Variants in CDC16 observed in about 807,000 individuals in gnomAD.
The protein encoded by CDC16 is cell division cycle protein 16 homolog.
Under a neutral mutation model 87.0 loss-of-function variants are expected in CDC16, and 34 were observed. The observed-to-expected ratio is 0.39, with a 90% CI of 0.30 to 0.52. The LOEUF (loss-of-function observed/expected upper bound fraction) is 0.52, where lower values mean the gene tolerates loss of function less well. Ranked by LOEUF, CDC16 falls within the 20% of genes least tolerant of loss-of-function variation. The pLI is 0.74. For synonymous variants in CDC16, 263 were observed against 260.6 expected, an observed-to-expected ratio of 1.01 and a Z score of -0.09; for missense variants, 653 against 751.9, an observed-to-expected ratio of 0.87 and a Z score of 1.54.
chr13:114,253,546 C>T (rs945836105), intron 12 of CDC16, among the ~76,000 whole-genome samples: 8 of 151,822 alleles, frequency 5.3e-5, no homozygotes, highest in African/African-American at 1.9e-4. Context: ...AAAAATTAGC[C>T]GGGTGTGGTG....
intron 16 of CDC16, chr13:114,264,930 C>CT: frequency 4.4e-6 from 2 of 450,402 alleles, no homozygotes; most frequent in African/African-American, 2.0e-5. Flanking sequence ...TTTAAAAAAT[C>CT]TTTTTTGGGG....
At chr13:114,238,229 A>G (rs2081354576) in intron 3 of CDC16, among the ~76,000 whole-genome samples, 1 of 147,276 alleles carries the variant, frequency 6.8e-6, no homozygotes, top group Non-Finnish European at 1.5e-5. Context: ...AGCTGCTGCG[A>G]TCTCCTCGGA....
intron 17 of CDC16, among the ~76,000 whole-genome samples, chr13:114,267,902 A>T (rs1022838571): frequency 6.6e-6 from 1 of 152,228 alleles, no homozygotes; most frequent in African/African-American, 2.4e-5. Flanking sequence ...GTAACACCAG[A>T]GTGTGGCCCC....
At chr13:114,265,516 C>T (rs763373929) in intron 17 of CDC16, among the ~76,000 whole-genome samples, 66 of 152,306 alleles carry the variant, frequency 4.3e-4, no homozygotes, top group Non-Finnish European at 7.8e-4. Context: ...TAGAAGGACT[C>T]ATCTGTTTCT....
At chr13:114,238,321 G>T (rs775486569) in intron 3 of CDC16, among the ~76,000 whole-genome samples, 2,218 of 123,388 alleles carry the variant, frequency 0.018, 49 homozygotes, top group African/African-American at 0.054. Context: ...TCACACTCAG[G>T]GCCTGAAGTG....
intron 5 of CDC16, among the ~76,000 whole-genome samples, chr13:114,239,989 T>C (rs935378524): frequency 2.0e-5 from 3 of 150,784 alleles, no homozygotes; most frequent in Non-Finnish European, 4.4e-5. Flanking sequence ...TAAGTGACAT[T>C]TACAGATCAC....
Position 114,235,039 on chromosome 13 carries a change from G to A in CDC16, c.-46G>A. On this transcript the variant is annotated 5_prime_UTR_variant, in exon 1 of 18. Coordinates refer to ENST00000356221, the MANE Select transcript of CDC16 (RefSeq NM_001078645.3). Reference sequence around the variant, plus strand: ...GCGGGGTGCTTAGGGTGCAGGAGGCGCGCGCCTAGCGGCGGAGTGTGGCGT... The same window carrying A: ...GCGGGGTGCTTAGGGTGCAGGAGGCACGCGCCTAGCGGCGGAGTGTGGCGT... 2 of 1,244,472 alleles carry A rather than the reference G, an allele frequency of 1.6e-6. No individual in the cohort carries two copies. The highest frequency in any genetic ancestry group is 4.2e-5 in the Admixed American group (1 of 23,810). The allele number at this position is 1,244,472 out of a possible 1,614,324, so 77.1% of individuals were successfully genotyped here.
chr13:114,257,714 A>G (rs912110440), intron 13 of CDC16, among the ~76,000 whole-genome samples: 1 of 152,226 alleles, frequency 6.6e-6, no homozygotes, highest in African/African-American at 2.4e-5. Flanking sequence ...TCAAAGAGAA[A>G]AATGTATGTA....
At chr13:114,251,132 C>T (rs183972847) in intron 12 of CDC16, among the ~76,000 whole-genome samples, 57 of 152,202 alleles carry the variant, frequency 3.7e-4, no homozygotes, top group Admixed American at 5.9e-4. Flanking sequence ...TATTGCTGTT[C>T]ACATTGACTG....
At position 114,262,626 on chromosome 13, in the gene CDC16, C is replaced by T. The variant is rs184891965; in HGVS notation, c.1377-253C>T. On this transcript the variant is annotated intron_variant, in intron 15 of 17. Coordinates refer to ENST00000356221, the MANE Select transcript of CDC16 (RefSeq NM_001078645.3). The stretch of plus-strand genomic sequence containing the variant: ...TGGATTAGGTTCTGGTTGCAGTGTC[C>T]CACTGAACATCAAAAGGAATACAGC... Among the ~76,000 whole-genome samples the T allele has an allele frequency of 1.4e-4, 22 of 152,254 alleles. 1 individual carries two copies. The East Asian group carries it at 3.7e-3, about 25-fold the overall frequency.
chr13:114,240,084 T>G (rs953146361), intron 5 of CDC16, among the ~76,000 whole-genome samples: 4 of 152,206 alleles, frequency 2.6e-5, no homozygotes, highest in Non-Finnish European at 4.4e-5. Flanking sequence ...CTGTATGGTT[T>G]GATTCCTTTT....
In CDC16 at chr13:114,254,435, T is replaced by C. The variant is rs138634789; in HGVS notation, c.1098-2643T>C. On this transcript the variant is annotated intron_variant, in intron 12 of 17. Transcript: ENST00000356221. Reference sequence around the variant, plus strand: ...TTTAGGATTATAATTAGCACCTTAATTTAAAACGACCTACTTTGAATTAAT... The same window carrying C: ...TTTAGGATTATAATTAGCACCTTAACTTAAAACGACCTACTTTGAATTAAT... 9.8e-3 allele frequency among the ~76,000 whole-genome samples: 1,488 copies of C among 152,330 alleles called. 22 individuals are homozygous for C. The highest frequency in any genetic ancestry group is 0.034 in the African/African-American group (1,414 of 41,576).
chr13:114,269,593 C>CAG (rs1472450513), intron 17 of CDC16, among the ~76,000 whole-genome samples: 1 of 152,138 alleles, frequency 6.6e-6, no homozygotes, highest in African/African-American at 2.4e-5. Flanking sequence ...AAACGTCCAC[C>CAG]AGTAGGAGAG....
At chr13:114,236,516 C>G in intron 1 of CDC16, 129 bp from the exon 2 acceptor site, 1 of 803,998 alleles carries the variant, frequency 1.2e-6, no homozygotes, top group Non-Finnish European at 1.7e-6. Context: ...AAATTGTTGT[C>G]TTGAGATGAA....
chr13:114,250,815 T>C, intron 12 of CDC16, 141 bp downstream of exon 12: 1 of 843,474 alleles, frequency 1.2e-6, no homozygotes, highest in Non-Finnish European at 1.8e-6. Context: ...TGCTTGTGAT[T>C]GTAAAATAAC....
intron 16 of CDC16, chr13:114,264,897 T>C: frequency 2.8e-6 from 1 of 353,878 alleles, no homozygotes. Context: ...CATGAGCCAC[T>C]GCGCCCAGTC....
chr13:114,235,922 C>G (rs1171439804), intron 1 of CDC16, among the ~76,000 whole-genome samples: 1 of 152,200 alleles, frequency 6.6e-6, no homozygotes, highest in African/African-American at 2.4e-5. Flanking sequence ...GGTTTCCAGC[C>G]AGAGACACCG....
chr13:114,240,774 C>T (rs1156734299), intron 5 of CDC16, among the ~76,000 whole-genome samples: 1 of 151,452 alleles, frequency 6.6e-6, no homozygotes, highest in South Asian at 2.1e-4. Context: ...TTTTTTCTGG[C>T]CACTCATTAA....
intron 9 of CDC16, 48 bp downstream of exon 9, chr13:114,245,017 C>G: frequency 8.8e-7 from 1 of 1,131,926 alleles, no homozygotes; most frequent in South Asian, 1.4e-5. Flanking sequence ...TAAAACAAAT[C>G]TTTTCTGTAA....
Sources: allele counts gnomAD v4.1 joint callset (sites outside exome capture counted in the v4.1 genomes callset), GRCh38; gene constraint gnomAD v4.1.1; transcripts MANE v1.5; gene names NCBI Gene and HGNC (gene_info 2026-07-23, HGNC 2026-07-21).